Variants in SHQ1 observed in about 807,000 individuals in gnomAD.
The protein encoded by SHQ1 is protein SHQ1 homolog.
A neutral mutation model predicts 53.8 loss-of-function variants in SHQ1; 49 were observed. The ratio of observed to expected loss-of-function variants is 0.91; its 90% CI spans 0.72 to 1.16. The LOEUF (loss-of-function observed/expected upper bound fraction) is 1.16, where lower values mean the gene tolerates loss of function less well. Ranked by LOEUF, SHQ1 falls within the 50% of genes most tolerant of loss-of-function variation. SHQ1 has a pLI of 0.00. For synonymous variants in SHQ1, 243 were observed against 251.0 expected (o/e 0.97, Z 0.30); for missense variants, 738 against 683.1 (o/e 1.08, Z -0.90).
intron 9 of SHQ1, among the ~76,000 whole-genome samples, chr3:72,803,764 T>A (rs79066876): frequency 1.2e-3 from 181 of 152,330 alleles, no homozygotes; most frequent in African/African-American, 4.0e-3. Flanking sequence ...TCAATAAAAC[T>A]TTATTTATGG....
intron 10 of SHQ1, among the ~76,000 whole-genome samples, chr3:72,762,085 A>G (rs1285409269): frequency 1.3e-5 from 2 of 152,186 alleles, no homozygotes; most frequent in South Asian, 2.1e-4. Flanking sequence ...ACAAACATGT[A>G]CATACATACA....
At chr3:72,840,932 A>G in intron 4 of SHQ1, 113 bp downstream of exon 4, 1 of 1,258,916 alleles carries the variant, frequency 7.9e-7, no homozygotes, top group Non-Finnish European at 1.1e-6. Flanking sequence ...CTTTAAATAC[A>G]ATCACCTCCT....
At chr3:72,824,694 ACTTT>A in intron 5 of SHQ1, 143 bp from the exon 6 acceptor site, 1 of 1,012,594 alleles carries the variant, frequency 9.9e-7, no homozygotes, top group Non-Finnish European at 1.4e-6. Context: ...CACTATATTT[ACTTT>A]CTTTGTAGTT....
chr3:72,742,619 CTT>C, the SHQ1 span, among the ~76,000 whole-genome samples: 4 of 128,578 alleles, frequency 3.1e-5, no homozygotes, highest in Non-Finnish European at 3.2e-5. Context: ...TTCTTTTTTT[CTT>C]TTTTTTTTTT....
At position 72,842,531 on chromosome 3, in the gene SHQ1, C is replaced by G. The variant is rs534064088; in HGVS notation, c.209-129G>C. ...ATCATTTTAGCCCAGGAGTTCAAGA[C>G]CAGCCTGGGCAACATACCAAGACCC... On this transcript the variant is annotated intron_variant, in intron 2 of 10. Coordinates refer to ENST00000325599, the MANE Select transcript of SHQ1 (RefSeq NM_018130.3). 2.7e-4 allele frequency: 171 copies of G among 644,480 alleles called. No homozygotes were observed. In the African/African-American group the frequency reaches 2.9e-3, roughly 11 times the overall value. 39.9% of individuals were successfully genotyped at this position (644,480 alleles called of 1,614,324 possible). A position where few individuals can be genotyped will look rare whatever the true frequency, so the allele number is the denominator to read the frequency against.
At chr3:72,788,247 G>A (rs575634643) in intron 10 of SHQ1, among the ~76,000 whole-genome samples, 20 of 151,924 alleles carry the variant, frequency 1.3e-4, no homozygotes, top group African/African-American at 4.1e-4. Flanking sequence ...CTGTCTGGCC[G>A]CCCATCGTCT....
the SHQ1 span, among the ~76,000 whole-genome samples, chr3:72,732,521 C>T: frequency 2.0e-5 from 3 of 149,782 alleles, no homozygotes; most frequent in African/African-American, 7.5e-5. Flanking sequence ...TACTTTGGAA[C>T]CTTGGATTTC....
chr3:72,805,932 T>A (rs183000256), intron 9 of SHQ1, among the ~76,000 whole-genome samples: 2 of 152,282 alleles, frequency 1.3e-5, no homozygotes, highest in African/African-American at 2.4e-5. Flanking sequence ...GAAATTACCA[T>A]GAGAGCAATC....
the SHQ1 span, among the ~76,000 whole-genome samples, chr3:72,740,578 G>C: frequency 5.7e-3 from 867 of 152,264 alleles, 8 homozygotes; most frequent in African/African-American, 0.018. Flanking sequence ...TATAAGAAAG[G>C]CCTCTGATTT....
chr3:72,761,810 C>G (rs1372136042), intron 10 of SHQ1, among the ~76,000 whole-genome samples: 1 of 152,184 alleles, frequency 6.6e-6, no homozygotes, highest in Non-Finnish European at 1.5e-5. Flanking sequence ...CTAAAGACCT[C>G]AAGTAGAACA....
intron 8 of SHQ1, among the ~76,000 whole-genome samples, chr3:72,813,776 A>C (rs1316819504): frequency 2.7e-5 from 4 of 149,942 alleles, no homozygotes; most frequent in Non-Finnish European, 4.4e-5. Context: ...AAAAAAAAAA[A>C]AAAAATACAT....
intron 10 of SHQ1, among the ~76,000 whole-genome samples, chr3:72,762,203 A>G (rs955773298): frequency 1.3e-5 from 2 of 152,214 alleles, no homozygotes; most frequent in African/African-American, 4.8e-5. Context: ...AACACTCGCT[A>G]TGGCAACGCT....
Position 72,841,041 on chromosome 3 carries a change from A to G in SHQ1, c.486+4T>C. ...GATCAAGATCTTTCAGAAAGACAAC[A>G]TACCTGTAACCGTTGCAACACTCCT... On this transcript the variant is annotated splice_donor_region_variant and intron_variant, in intron 4 of 10. Coordinates refer to ENST00000325599, the MANE Select transcript of SHQ1 (RefSeq NM_018130.3). The G allele has an allele frequency of 1.2e-6, 2 of 1,604,888 alleles. No individual in the cohort carries two copies. The highest frequency in any genetic ancestry group is 1.7e-6 in the Non-Finnish European group (2 of 1,177,480).
Position 72,824,846 on chromosome 3 carries a change from T to A in SHQ1, c.600-295A>T, listed in dbSNP as rs982916014. 5.9e-5 allele frequency among the ~76,000 whole-genome samples: 9 copies of A among 151,648 alleles called. No homozygotes were observed. The East Asian group carries it at 1.7e-3, about 29-fold the overall frequency. On this transcript the variant is annotated intron_variant, in intron 5 of 10. Transcript: ENST00000325599. ...ATGGGTCTCACTCTGTCATTCAGGC[T>A]AGAGTACAGTAGTAACATAATCACA...
intron 4 of SHQ1, among the ~76,000 whole-genome samples, chr3:72,838,855 C>T (rs991204387): frequency 2.0e-5 from 3 of 151,436 alleles, no homozygotes; most frequent in Admixed American, 2.0e-4. Context: ...CAGGAGTCAA[C>T]TATATTGGTT....
chr3:72,727,150 G>A, the SHQ1 span, among the ~76,000 whole-genome samples: 4 of 152,172 alleles, frequency 2.6e-5, no homozygotes, highest in East Asian at 1.9e-4. Context: ...CCATGGAGGC[G>A]GGGCTGTGAG....
rs1339338793 is a variant in SHQ1, at chr3:72,840,244, A to C, written c.486+801T>G. 9.0e-5 allele frequency among the ~76,000 whole-genome samples: 6 copies of C among 66,422 alleles called. 1 individual carries two copies. In the African/African-American group the frequency reaches 9.7e-4, roughly 11 times the overall value. 43.6% of individuals were successfully genotyped at this position (66,422 alleles called of 152,430 possible). On this transcript the variant is annotated intron_variant, in intron 4 of 10. Coordinates refer to ENST00000325599, the MANE Select transcript of SHQ1 (RefSeq NM_018130.3). ...TCCAGCAAAGTGAGACTCTGTCTTA[A>C]AAAAAAAAAAAAAAAAAAAAAGAAT...
intron 10 of SHQ1, among the ~76,000 whole-genome samples, chr3:72,761,007 C>A (rs1313632861): frequency 3.9e-5 from 6 of 152,120 alleles, no homozygotes; most frequent in East Asian, 1.9e-4. Flanking sequence ...ACGATTCCAA[C>A]GATTCAACAA....
intron 5 of SHQ1, among the ~76,000 whole-genome samples, chr3:72,825,526 T>C (rs1049095700): frequency 6.6e-6 from 1 of 152,124 alleles, no homozygotes; most frequent in African/African-American, 2.4e-5. Context: ...GAAAGCTAAT[T>C]TTCCTGCACT....
Sources: gnomAD v4.1 joint callset for allele counts (sites outside exome capture counted in the v4.1 genomes callset) on GRCh38, gnomAD v4.1.1 for gene constraint, MANE v1.5 for transcripts, NCBI Gene and HGNC (gene_info 2026-07-23, HGNC 2026-07-21) for gene names.